RAB38: variants seen among roughly 807,000 people sequenced by gnomAD.
RAB38 encodes the protein ras-related protein Rab-38.
A neutral mutation model predicts 18.4 loss-of-function variants in RAB38; 15 were observed. The ratio of observed to expected loss-of-function variants is 0.82; its 90% CI spans 0.55 to 1.26. The LOEUF is 1.26. Ranked by LOEUF, RAB38 falls within the 50% of genes most tolerant of loss-of-function variation. The pLI is 0.00. For synonymous variants in RAB38, 101 were observed against 104.4 expected (o/e 0.97, Z 0.20); for missense variants, 294 against 267.4 (o/e 1.10, Z -0.69).
chr11:87,955,890 C>CAG, the RAB38 span, among the ~76,000 whole-genome samples: 1 of 139,408 alleles, frequency 7.2e-6, no homozygotes, highest in Non-Finnish European at 1.6e-5. Flanking sequence ...CACACACACA[C>CAG]ACACACACAC....
the RAB38 span, among the ~76,000 whole-genome samples, chr11:88,080,087 A>G: frequency 6.6e-6 from 1 of 151,850 alleles, no homozygotes; most frequent in Non-Finnish European, 1.5e-5. Flanking sequence ...TAGATAGGAA[A>G]TGGAGAAATA....
chr11:87,835,086 T>C, the RAB38 span, among the ~76,000 whole-genome samples: 3 of 152,208 alleles, frequency 2.0e-5, no homozygotes, highest in African/African-American at 7.2e-5. Flanking sequence ...GTGTTTTCTT[T>C]AGTTGTCAGG....
At chr11:88,123,934 C>A (rs780963013) in intron 2 of RAB38, among the ~76,000 whole-genome samples, 6 of 152,150 alleles carry the variant, frequency 3.9e-5, no homozygotes, top group Non-Finnish European at 1.5e-5. Flanking sequence ...ATTTCTCTCC[C>A]AAACTAGAGA....
the RAB38 span, among the ~76,000 whole-genome samples, chr11:87,808,376 A>G: frequency 6.6e-6 from 1 of 152,222 alleles, no homozygotes; most frequent in Non-Finnish European, 1.5e-5. Context: ...CTATTCCACC[A>G]TAAAAAAGAA....
the RAB38 span, among the ~76,000 whole-genome samples, chr11:88,020,722 A>T: frequency 2.6e-5 from 4 of 152,322 alleles, no homozygotes; most frequent in South Asian, 8.3e-4. Flanking sequence ...TTAAAACATT[A>T]AAAAATTGAA....
the RAB38 span, among the ~76,000 whole-genome samples, chr11:87,969,271 T>A: frequency 1.3e-5 from 2 of 152,146 alleles, no homozygotes; most frequent in Admixed American, 1.3e-4. Context: ...TTTGGCACAG[T>A]TGGCCAATCC....
the RAB38 span, among the ~76,000 whole-genome samples, chr11:87,929,116 A>G: frequency 6.6e-6 from 1 of 152,078 alleles, no homozygotes; most frequent in South Asian, 2.1e-4. Context: ...CTCTGTCTCA[A>G]AAAAAACAAG....
chr11:87,846,928 C>T, the RAB38 span, among the ~76,000 whole-genome samples: 1 of 152,006 alleles, frequency 6.6e-6, no homozygotes, highest in Non-Finnish European at 1.5e-5. Context: ...ATAAATAATT[C>T]ATGGGTCAAC....
chr11:87,893,390 A>AAATATATATATATTTTT, the RAB38 span, among the ~76,000 whole-genome samples: 1 of 93,916 alleles, frequency 1.1e-5, no homozygotes, highest in Non-Finnish European at 2.1e-5. Context: ...ATATATATAT[A>AAATATATATATATTTTT]TTTTTTTTTT....
chr11:88,084,562 G>A, the RAB38 span, among the ~76,000 whole-genome samples: 5 of 151,762 alleles, frequency 3.3e-5, no homozygotes, highest in Admixed American at 6.6e-5. Context: ...AAAGATCTCT[G>A]CATTACTAAT....
At chr11:87,975,887 T>C in the RAB38 span, among the ~76,000 whole-genome samples, 1 of 151,424 alleles carries the variant, frequency 6.6e-6, no homozygotes, top group Non-Finnish European at 1.5e-5. Context: ...ATGTCATGAA[T>C]AACATAGGGT....
chr11:87,934,700 A>T, the RAB38 span, among the ~76,000 whole-genome samples: 1 of 152,252 alleles, frequency 6.6e-6, no homozygotes. Context: ...TCTTGCACTC[A>T]TGAATATTAT....
chr11:88,088,161 T>C, the RAB38 span, among the ~76,000 whole-genome samples: 1 of 151,940 alleles, frequency 6.6e-6, no homozygotes, highest in Admixed American at 6.6e-5. Context: ...TTATGTGGAA[T>C]CTAGAAGATA....
chr11:88,067,074 T>C, the RAB38 span, among the ~76,000 whole-genome samples: 1 of 152,208 alleles, frequency 6.6e-6, no homozygotes, highest in South Asian at 2.1e-4. Flanking sequence ...ACTTTGGTTA[T>C]TATTAGTATT....
the RAB38 span, among the ~76,000 whole-genome samples, chr11:87,941,040 G>T: frequency 1.3e-5 from 2 of 151,438 alleles, no homozygotes; most frequent in African/African-American, 2.4e-5. Flanking sequence ...CTGTCACTGT[G>T]ATAGCTGTCA....
chr11:88,135,939 G>C (rs1481166394), intron 2 of RAB38, among the ~76,000 whole-genome samples: 1 of 152,126 alleles, frequency 6.6e-6, no homozygotes, highest in Non-Finnish European at 1.5e-5. Context: ...AAAATTCAAA[G>C]TGACTGGGAA....
chr11:88,080,917 A>T, the RAB38 span, among the ~76,000 whole-genome samples: 3 of 151,792 alleles, frequency 2.0e-5, no homozygotes, highest in Non-Finnish European at 2.9e-5. Context: ...AATAATAATG[A>T]AAGAAAGATA....
the RAB38 span, chr11:88,060,408 C>T: frequency 6.6e-6 from 1 of 152,108 alleles, no homozygotes; most frequent in Non-Finnish European, 1.5e-5. Flanking sequence ...GCACTGAATA[C>T]AATTATTATT....
chr11:87,948,981 T>G, the RAB38 span, among the ~76,000 whole-genome samples: 9 of 152,188 alleles, frequency 5.9e-5, no homozygotes, highest in Non-Finnish European at 8.8e-5. Flanking sequence ...CTCCTCCTTG[T>G]ACCTCTGGTA....
Sources: allele counts gnomAD v4.1 joint callset (sites outside exome capture counted in the v4.1 genomes callset), GRCh38; gene constraint gnomAD v4.1.1; transcripts MANE v1.5; gene names NCBI Gene and HGNC (gene_info 2026-07-23, HGNC 2026-07-21).